Variants in FASN observed in about 807,000 individuals in gnomAD.
The protein encoded by FASN is fatty acid synthase, also known as 3-hydroxyacyl-[acyl-carrier-protein] dehydratase.
FASN carries 50 observed loss-of-function variants against 250.0 expected under a neutral mutation model. That is an observed-to-expected ratio of 0.20 (90% CI 0.16 to 0.25). The LOEUF is 0.25. Among genes scored for constraint, FASN ranks in the 10% least tolerant of loss-of-function variants. FASN has a pLI of 1.00. For missense variants in FASN, 3,031 were observed against 3,498.5 expected (o/e 0.87, Z 3.37); for synonymous variants, 1,909 against 1,584.0 (o/e 1.21, Z -4.87).
In FASN at chr17:82,087,041, G is replaced by C. The variant is rs1225836860; in HGVS notation, c.3427+9C>G. On this transcript the variant is annotated intron_variant, in intron 21 of 42. Transcript: ENST00000306749. ...GAGGTGTCCGAAGCCAGCAGGGCTG[G>C]GACCTCACCCTTGCACAGTTGCAGC... 1.2e-6 allele frequency: 2 copies of C among 1,610,624 alleles called. No individual in the cohort carries two copies. Among genetic ancestry groups the C allele is most frequent in the East Asian group, 4.5e-5 (2 of 44,880 alleles).
At chr17:82,086,066 C>T (rs1330953683) in intron 22 of FASN, among the ~76,000 whole-genome samples, 188 bp downstream of exon 22, 1 of 152,192 alleles carries the variant, frequency 6.6e-6, no homozygotes, top group Non-Finnish European at 1.5e-5. Flanking sequence ...CTCTTGGAGC[C>T]CACGGGCGGA....
Position 82,087,397 on chromosome 17 carries a change from G to C in FASN, c.3151C>G (p.Arg1051Gly). 6.2e-7 allele frequency: 1 copy of C among 1,612,656 alleles called. No homozygotes were observed. The highest frequency in any genetic ancestry group is 8.5e-7 in the Non-Finnish European group (1 of 1,179,994). Reference protein sequence around the residue: ...SAKHGLYLPTRVTAIHIDPAT... With the variant: ...SAKHGLYLPTGVTAIHIDPAT... ...GGGTCGATGTGGATGGCGGTGACAC[G>C]GGTGGGCAGGTACAGGCCGTGCTTG... The change falls in exon 20 of 43, where the codon CGT becomes GGT. Residue 1051 changes from arginine (R) to glycine (G), a missense_variant. Physicochemically the swap from Arg to Gly is moderately radical, Grantham distance 125. Transcript: ENST00000306749.
chr17:82,090,705 G>T, intron 10 of FASN, 141 bp from the exon 11 acceptor site: 1 of 1,041,318 alleles, frequency 9.6e-7, no homozygotes, highest in Non-Finnish European at 1.4e-6. Flanking sequence ...AGCCCCTATG[G>T]CCCCCACACA....
intron 9 of FASN, 35 bp from the exon 10 acceptor site, chr17:82,091,104 A>G: frequency 6.2e-7 from 1 of 1,606,930 alleles, no homozygotes; most frequent in Non-Finnish European, 8.5e-7. Context: ...GCTCAGCCCC[A>G]TCCCGTGCCA....
At chr17:82,082,803 G>T (rs1013269088) in intron 33 of FASN, 111 bp downstream of exon 33, 4 of 1,545,792 alleles carry the variant, frequency 2.6e-6, no homozygotes, top group Middle Eastern at 1.8e-4. Flanking sequence ...GATGGAGGGG[G>T]ACAGACCCCA....
chr17:82,081,653 A>C lies in FASN; in HGVS notation c.6354T>G (p.Tyr2118Ter). The change falls in exon 37 of 43, where the codon TAT becomes TAG. Residue 2118 changes from tyrosine (Y) to a stop codon, truncating the protein, a stop_gained. Coordinates refer to ENST00000306749, the MANE Select transcript of FASN (RefSeq NM_004104.5). LOFTEE classifies it high-confidence loss of function. ...GGTCCCGCTGGCTGTCCCTGTCCCTATAGGCCGCAGCCTTCTCAGCCAGCA... is the reference window on the plus strand; with the variant it reads ...GGTCCCGCTGGCTGTCCCTGTCCCTCTAGGCCGCAGCCTTCTCAGCCAGCA... ...SFVLAEKAAA[Y>*]RDRDSQRDLV... The C allele has an allele frequency of 6.2e-7, 1 of 1,612,736 alleles. No homozygotes were observed. The highest frequency in any genetic ancestry group is 8.5e-7 in the Non-Finnish European group (1 of 1,180,000).
In FASN at chr17:82,079,424, A is replaced by G; in HGVS notation, c.7331T>C (p.Met2444Thr). 1 of 1,613,086 alleles carries G rather than the reference A, an allele frequency of 6.2e-7. No individual in the cohort carries two copies. The highest frequency in any genetic ancestry group is 1.7e-5 in the Admixed American group (1 of 60,030). ...TPKAKYHGNV[M>T]LLRAKTGGAY... ...GCCACCCGTCTTGGCGCGCAGTAGC[A>G]TCACGTTGCCATGGTACTTGGCCTT... Residue 2444 changes from methionine (M) to threonine (T), a missense_variant, in exon 42 of 43, where the codon ATG (methionine) becomes ACG (threonine). Transcript: ENST00000306749.
intron 41 of FASN, 144 bp from the exon 42 acceptor site, chr17:82,079,752 C>T: frequency 3.4e-6 from 4 of 1,160,272 alleles, no homozygotes; most frequent in South Asian, 1.6e-5. Context: ...TCTCAGCTCA[C>T]CGCAACCTCC....
intron 21 of FASN, among the ~76,000 whole-genome samples, 178 bp downstream of exon 21, chr17:82,086,872 A>G (rs2034112449): frequency 7.2e-6 from 1 of 138,370 alleles, no homozygotes; most frequent in African/African-American, 2.6e-5. Context: ...GGGACGAGGA[A>G]GGCTGGGGGC....
Position 82,087,998 on chromosome 17 carries a change from G to A in FASN, c.2822C>T (p.Ser941Phe). The A allele has an allele frequency of 6.2e-7, 1 of 1,612,736 alleles. No individual in the cohort carries two copies. The highest frequency in any genetic ancestry group is 8.5e-7 in the Non-Finnish European group (1 of 1,179,962). The change falls in exon 18 of 43, where the codon TCC becomes TTC. Residue 941 changes from serine (S) to phenylalanine (F), a missense_variant. Physicochemically the swap from Ser to Phe is radical, Grantham distance 155. Coordinates refer to ENST00000306749, the MANE Select transcript of FASN (RefSeq NM_004104.5). ...VSLEVRLLEA[S>F]RAFEVSENGN... ...GTTCTCTGACACCTCGAAGGCACGGGAGGCCTCCAGGAGCCGTACCTCCAG... is the reference window on the plus strand; with the variant it reads ...GTTCTCTGACACCTCGAAGGCACGGAAGGCCTCCAGGAGCCGTACCTCCAG...
At chr17:82,094,028 AG>A in intron 3 of FASN, 1 of 568,054 alleles carries the variant, frequency 1.8e-6, no homozygotes, top group East Asian at 3.1e-5. Flanking sequence ...AACGAGGCGG[AG>A]GGGGCAGGCG....
chr17:82,091,554 T>C lies in FASN; in HGVS notation c.1160A>G (p.Asn387Ser), dbSNP rs1257707776. 6 of 1,595,782 alleles carry C rather than the reference T, an allele frequency of 3.8e-6. No homozygotes were observed. Among genetic ancestry groups the C allele is most frequent in the Non-Finnish European group, 4.3e-6 (5 of 1,172,572 alleles). The change falls in exon 9 of 43, where the codon AAC becomes AGC. Residue 387 changes from asparagine (N) to serine (S), a missense_variant. Coordinates refer to ENST00000306749, the MANE Select transcript of FASN (RefSeq NM_004104.5). Reference sequence around the variant, plus strand: ...GAAGCCAAAGGAGTTGATGCCCACGTTGCCGCCACGGACGGGCAGGGGCTG... The same window carrying C: ...GAAGCCAAAGGAGTTGATGCCCACGCTGCCGCCACGGACGGGCAGGGGCTG... ...VDQPLPVRGG[N>S]VGINSFGFGG...
rs1286293762 is a variant in FASN, at chr17:82,084,737, G to T, written c.4565-21C>A. On this transcript the variant is annotated intron_variant, in intron 26 of 42. Transcript: ENST00000306749. ...CTTGTCTAGGGAAACAGGGAGGTGGGGCTGCTGCGGGGCCTTCGGGTGCAG... is the reference window on the plus strand; with the variant it reads ...CTTGTCTAGGGAAACAGGGAGGTGGTGCTGCTGCGGGGCCTTCGGGTGCAG... 11 of 1,551,618 alleles carry T rather than the reference G, an allele frequency of 7.1e-6. No homozygotes were observed. In the South Asian group the frequency reaches 1.2e-4, roughly 17 times the overall value.
In FASN at chr17:82,085,843, G is replaced by C; in HGVS notation, c.3761C>G (p.Ser1254Cys). Residue 1254 changes from serine to cysteine, a missense_variant, in exon 23 of 43, where the codon TCC becomes TGC. Coordinates refer to ENST00000306749, the MANE Select transcript of FASN (RefSeq NM_004104.5). ...GGGGCTGAGCAGGCCTGGGATGCGG[G>C]AATACAGGTGACCGTGGCCAGCCAG... ...EVLAGHGHLY[S>C]RIPGLLSPHP... is the part of the protein sequence containing the mutation. The C allele has an allele frequency of 1.3e-6, 2 of 1,552,678 alleles. No homozygotes were observed. Among genetic ancestry groups the C allele is most frequent in the Non-Finnish European group, 1.7e-6 (2 of 1,154,382 alleles).
At position 82,092,459 on chromosome 17, in the gene FASN, G is replaced by T; in HGVS notation, c.1025C>A (p.Ala342Asp). Reference sequence around the variant, plus strand: ...CCCAAGCCCAGCCCCACCTACCTTGGCCAGGGCTGCCAGCCCCGAGGCTGG... The same window carrying T: ...CCCAAGCCCAGCCCCACCTACCTTGTCCAGGGCTGCCAGCCCCGAGGCTGG... ...PEPASGLAALAKVLLSLEHGL... is the reference protein window; with the variant it reads ...PEPASGLAALDKVLLSLEHGL... Residue 342 changes from alanine (A) to aspartate (D), a missense_variant, in exon 8 of 43, where the codon GCC becomes GAC. Ala to Asp is a moderately radical substitution (Grantham distance 126, BLOSUM62 -2). Coordinates refer to ENST00000306749, the MANE Select transcript of FASN (RefSeq NM_004104.5). The T allele has an allele frequency of 1.3e-6, 2 of 1,571,372 alleles. No individual in the cohort carries two copies. The highest frequency in any genetic ancestry group is 1.2e-5 in the South Asian group (1 of 86,578).
chr17:82,097,775 G>A (rs1356613507), intron 1 of FASN, among the ~76,000 whole-genome samples: 1 of 152,106 alleles, frequency 6.6e-6, no homozygotes, highest in Non-Finnish European at 1.5e-5. Context: ...GGGCGGCTCC[G>A]GGAGGAGGAT....
In FASN at chr17:82,088,568, G is replaced by T; in HGVS notation, c.2421-6C>A. 1 of 1,603,894 alleles carries T rather than the reference G, an allele frequency of 6.2e-7. No homozygotes were observed. Among genetic ancestry groups the T allele is most frequent in the South Asian group, 1.1e-5 (1 of 90,234 alleles). On this transcript the variant is annotated splice_polypyrimidine_tract_variant and splice_region_variant and intron_variant, in intron 15 of 42. Transcript: ENST00000306749. ...CATTGGGGTTGGCGTCGATGCTACGGAGAAGGGAGGCATGGGTAGCACACC... is the reference window on the plus strand; with the variant it reads ...CATTGGGGTTGGCGTCGATGCTACGTAGAAGGGAGGCATGGGTAGCACACC...
intron 15 of FASN, 73 bp from the exon 16 acceptor site, chr17:82,088,635 GC>G: frequency 4.5e-6 from 7 of 1,539,252 alleles, no homozygotes; most frequent in Admixed American, 1.8e-5. Context: ...CCCACCCACT[GC>G]CTGCGGTGGA....
chr17:82,093,293 G>A lies in FASN; in HGVS notation c.581C>T (p.Pro194Leu), dbSNP rs150605488. Residue 194 changes from proline to leucine, a missense_variant, in exon 5 of 43, where the codon CCC becomes CTC. Physicochemically the swap from Pro to Leu is moderately conservative, Grantham distance 98 (BLOSUM62 -3). Transcript: ENST00000306749. ...CCTCAAGAACTGCACGGAGGTGTTG[G>A]GCTTCAGCAGGACATTGATGCCCCC... Reference protein sequence around the residue: ...IVGGINVLLKPNTSVQFLRLG... With the variant: ...IVGGINVLLKLNTSVQFLRLG... The A allele has an allele frequency of 3.1e-6, 5 of 1,597,462 alleles. No individual in the cohort carries two copies. The highest frequency in any genetic ancestry group is 2.3e-5 in the East Asian group (1 of 44,302).
Sources: gnomAD v4.1 joint callset for allele counts (sites outside exome capture counted in the v4.1 genomes callset) on GRCh38, gnomAD v4.1.1 for gene constraint, MANE v1.5 for transcripts, NCBI Gene and HGNC (gene_info 2026-07-23, HGNC 2026-07-21) for gene names.